The following CCDC3 variants were observed in gnomAD, a reference collection of about 807,000 sequenced individuals.
CCDC3 encodes coiled-coil domain containing 3.
A neutral mutation model predicts 21.4 loss-of-function variants in CCDC3; 24 were observed. That is an observed-to-expected ratio of 1.12 (90% CI 0.81 to 1.58). The LOEUF is 1.58. Ranked by LOEUF, CCDC3 falls within the 40% of genes most tolerant of loss-of-function variation. The pLI, the probability that CCDC3 is intolerant of heterozygous loss-of-function variation, is 0.00. For missense variants in CCDC3, 425 were observed against 360.9 expected, an observed-to-expected ratio of 1.18 and a Z score of -1.44; for synonymous variants, 186 against 166.0, an observed-to-expected ratio of 1.12 and a Z score of -0.93.
At chr10:13,016,346 A>G (rs904838893) in intron 5 of CCDC3, among the ~76,000 whole-genome samples, 1 of 151,808 alleles carries the variant, frequency 6.6e-6, no homozygotes, top group Non-Finnish European at 1.5e-5. Context: ...AAAAAAAAAA[A>G]AAAAAACACA....
chr10:13,071,724 T>A lies in CCDC3; in HGVS notation c.-270+2144A>T, dbSNP rs139471768. Among the ~76,000 whole-genome samples, 8 of 152,300 alleles carry A rather than the reference T, an allele frequency of 5.3e-5. No individual in the cohort carries two copies. In the East Asian group the frequency reaches 1.5e-3, roughly 29 times the overall value. ...TCCGTCCCTCACGTACTCTGGGTGT[T>A]TGCTAGTAAGAGAAAGGAACCAGGG... On this transcript the variant is annotated intron_variant, in intron 4 of 6. Coordinates refer to the CCDC3 transcript ENST00000378839.
At chr10:13,096,365 A>G (rs1334297828) in intron 3 of CCDC3, among the ~76,000 whole-genome samples, 1 of 152,068 alleles carries the variant, frequency 6.6e-6, no homozygotes, top group Non-Finnish European at 1.5e-5. Flanking sequence ...TTATATTTTT[A>G]GTAGAGATAG....
chr10:13,038,244 G>C (rs1393232484), intron 5 of CCDC3, among the ~76,000 whole-genome samples: 1 of 152,110 alleles, frequency 6.6e-6, no homozygotes, highest in Non-Finnish European at 1.5e-5. Context: ...ATCAGGAAGA[G>C]TAGTTAATGG....
intron 2 of CCDC3, among the ~76,000 whole-genome samples, chr10:12,959,125 T>A (rs992363786): frequency 2.6e-5 from 4 of 151,502 alleles, no homozygotes; most frequent in African/African-American, 9.7e-5. Context: ...AGACCAGCAA[T>A]GGCCCCCACT....
upstream of CCDC3, among the ~76,000 whole-genome samples, chr10:13,003,509 G>C (rs1835890627): frequency 6.6e-6 from 1 of 152,124 alleles, no homozygotes; most frequent in South Asian, 2.1e-4. Flanking sequence ...CCTTTAACCA[G>C]GATATACACA....
At chr10:12,959,821 A>G (rs1328300385) in intron 2 of CCDC3, among the ~76,000 whole-genome samples, 5 of 152,100 alleles carry the variant, frequency 3.3e-5, no homozygotes, top group Admixed American at 3.3e-4. Context: ...AACACTCACA[A>G]GTGAGGCCCA....
intron 2 of CCDC3, among the ~76,000 whole-genome samples, chr10:12,979,910 C>A (rs1399454115): frequency 1.3e-5 from 2 of 152,054 alleles, no homozygotes; most frequent in Non-Finnish European, 2.9e-5. Flanking sequence ...TTTTGAAGCC[C>A]CATGCTAGTT....
At chr10:12,993,966 A>C (rs1175508379) in intron 2 of CCDC3, among the ~76,000 whole-genome samples, 1 of 152,180 alleles carries the variant, frequency 6.6e-6, no homozygotes, top group Non-Finnish European at 1.5e-5. Flanking sequence ...CCTACCCTCC[A>C]AATCGACCCT....
chr10:13,000,624 T>G (rs145254648), intron 1 of CCDC3, among the ~76,000 whole-genome samples: 91 of 152,274 alleles, frequency 6.0e-4, no homozygotes, highest in Non-Finnish European at 3.2e-4. Context: ...CATTCACATC[T>G]TGGCATTTGA....
At chr10:13,099,044 T>A (rs1832675374) in intron 2 of CCDC3, 1 of 152,036 alleles carries the variant, frequency 6.6e-6, no homozygotes, top group African/African-American at 2.4e-5. Context: ...AGAATTTTTT[T>A]AAATTCTCTA....
chr10:13,043,252 A>G (rs1028760046), intron 5 of CCDC3, among the ~76,000 whole-genome samples: 3 of 152,236 alleles, frequency 2.0e-5, no homozygotes, highest in Non-Finnish European at 2.9e-5. Context: ...AGTGTCTACT[A>G]TTACCATCCT....
intron 5 of CCDC3, among the ~76,000 whole-genome samples, chr10:13,047,719 C>G (rs1325486624): frequency 1.3e-5 from 2 of 152,146 alleles, no homozygotes; most frequent in East Asian, 1.9e-4. Context: ...CTGGGTGATT[C>G]CTGTTAGCCA....
At chr10:12,997,416 A>AGAGTATTCTTGATTCCT (rs1835778952) in intron 2 of CCDC3, among the ~76,000 whole-genome samples, 1 of 152,198 alleles carries the variant, frequency 6.6e-6, no homozygotes, top group Admixed American at 6.5e-5. Context: ...GGTTGTGGCA[A>AGAGTATTCTTGATTCCT]AGCCCATTGC....
chr10:13,095,940 G>A (rs931991027), intron 3 of CCDC3, among the ~76,000 whole-genome samples: 2 of 152,114 alleles, frequency 1.3e-5, no homozygotes, highest in African/African-American at 4.8e-5. Context: ...CCAATTTCAG[G>A]CAACTACTGG....
chr10:12,989,525 G>A (rs565909266), intron 2 of CCDC3, among the ~76,000 whole-genome samples: 4 of 152,254 alleles, frequency 2.6e-5, no homozygotes, highest in South Asian at 2.1e-4. Flanking sequence ...GGGTTCAAGC[G>A]ACTCTCATGC....
chr10:13,058,155 G>C, intron 4 of CCDC3: 1 of 946,124 alleles, frequency 1.1e-6, no homozygotes, highest in Non-Finnish European at 1.7e-6. Context: ...TTGGTATTGC[G>C]AGGGATAGAC....
intron 2 of CCDC3, among the ~76,000 whole-genome samples, chr10:12,941,355 T>A (rs1335365875): frequency 6.6e-6 from 1 of 151,874 alleles, no homozygotes; most frequent in Non-Finnish European, 1.5e-5. Context: ...CTCCCAGGGC[T>A]GCTCTGTCTA....
At chr10:13,064,749 C>G (rs181704405) in intron 4 of CCDC3, among the ~76,000 whole-genome samples, 270 of 152,246 alleles carry the variant, frequency 1.8e-3, no homozygotes, top group African/African-American at 6.3e-3. Flanking sequence ...TCAGGGGCCA[C>G]TGCACTCCAG....
intron 4 of CCDC3, chr10:13,057,884 A>T: frequency 2.1e-6 from 1 of 468,374 alleles, no homozygotes. Context: ...CTGTCTCAAA[A>T]AAAAGTTAAA....
Sources: allele counts gnomAD v4.1 joint callset (sites outside exome capture counted in the v4.1 genomes callset), GRCh38; gene constraint gnomAD v4.1.1; transcripts MANE v1.5; gene names NCBI Gene and HGNC (gene_info 2026-07-23, HGNC 2026-07-21).